Variants in VWA5B1 observed in about 807,000 individuals in gnomAD.
VWA5B1 encodes the protein von Willebrand factor A domain-containing protein 5B1.
In VWA5B1, 115 loss-of-function variants were observed where a neutral mutation model predicts 118.2. The ratio of observed to expected loss-of-function variants is 0.97; its 90% CI spans 0.84 to 1.14. VWA5B1 has a LOEUF of 1.14. Ranked by LOEUF, VWA5B1 falls within the 50% of genes most tolerant of loss-of-function variation. The pLI is 0.00. For synonymous variants in VWA5B1, 682 were observed against 658.4 expected (o/e 1.04, Z -0.55); for missense variants, 1,596 against 1,603.8 (o/e 1.00, Z 0.08).
At chr1:20,348,165 A>G in intron 17 of VWA5B1, 80 bp from the exon 18 acceptor site, 2 of 1,286,228 alleles carry the variant, frequency 1.6e-6, no homozygotes, top group Non-Finnish European at 2.2e-6. Context: ...AGCCAGAATC[A>G]TTCCTGTCAG....
chr1:20,352,139 C>T lies in VWA5B1; in HGVS notation c.3108C>T (p.Thr1036=). Residue 1036 remains threonine, a synonymous_variant, in exon 21 of 22, where the codon ACC becomes ACT. Transcript: ENST00000289815. ...CACTGATCAAAGCTGTGGAGTCGAC[C>T]TCCGGGAACCAGAGCTTCGACTACA... is the stretch of plus-strand genomic sequence containing the variant. ...SKPLIKAVES[T]SGNQSFDYIP... is the part of the protein sequence containing the mutation. 1.9e-6 allele frequency: 3 copies of T among 1,551,396 alleles called. No homozygotes were observed. The highest frequency in any genetic ancestry group is 2.6e-6 in the Non-Finnish European group (3 of 1,146,932).
intron 7 of VWA5B1, 30 bp from the exon 8 acceptor site, chr1:20,323,326 G>A: frequency 1.4e-6 from 2 of 1,419,098 alleles, no homozygotes; most frequent in Non-Finnish European, 1.9e-6. Flanking sequence ...GACCCTGATT[G>A]CCCAATCAGA....
chr1:20,310,190 G>A (rs578110158), intron 1 of VWA5B1, among the ~76,000 whole-genome samples: 10 of 152,132 alleles, frequency 6.6e-5, no homozygotes, highest in African/African-American at 1.9e-4. Flanking sequence ...AGAGATTACC[G>A]GACACATAGA....
At chr1:20,339,606 A>C (rs1557436988) in intron 14 of VWA5B1, among the ~76,000 whole-genome samples, 1 of 152,124 alleles carries the variant, frequency 6.6e-6, no homozygotes, top group Non-Finnish European at 1.5e-5. Context: ...CTTGTAAGGC[A>C]GTGGTTCCAT....
Position 20,355,446 on chromosome 1 carries a change from C to G in VWA5B1, c.*1183C>G, listed in dbSNP as rs2090212191. Among the ~76,000 whole-genome samples, 1 of 152,222 alleles carries G rather than the reference C, an allele frequency of 6.6e-6. No homozygotes were observed. Among genetic ancestry groups the G allele is most frequent in the Non-Finnish European group, 1.5e-5 (1 of 68,034 alleles). ...CCCAGTCTCCTCTTCCCCACTGACT[C>G]CCCTGGAGGTGGGTCTAGACCTCAC... is the stretch of plus-strand genomic sequence containing the variant. On this transcript the variant is annotated 3_prime_UTR_variant, in exon 22 of 22. Transcript: ENST00000289815.
chr1:20,318,899 A>G (rs1570114708), intron 6 of VWA5B1, among the ~76,000 whole-genome samples, 178 bp downstream of exon 6: 1 of 152,132 alleles, frequency 6.6e-6, no homozygotes, highest in East Asian at 1.9e-4. Flanking sequence ...AGTTGGCTCT[A>G]GCTGGTGGAA....
intron 1 of VWA5B1, among the ~76,000 whole-genome samples, chr1:20,299,941 A>G (rs2088475570): frequency 6.6e-6 from 1 of 152,234 alleles, no homozygotes; most frequent in Admixed American, 6.5e-5. Context: ...GAAGGGTCAC[A>G]GGCCCTGCGT....
At chr1:20,291,661 C>A (rs1228854147) in intron 1 of VWA5B1, among the ~76,000 whole-genome samples, 1 of 152,098 alleles carries the variant, frequency 6.6e-6, no homozygotes, top group Non-Finnish European at 1.5e-5. Context: ...GGGTGCCCAC[C>A]CCGGCAGCCG....
intron 9 of VWA5B1, among the ~76,000 whole-genome samples, chr1:20,329,080 G>A (rs1256495423): frequency 1.3e-5 from 2 of 152,122 alleles, no homozygotes; most frequent in African/African-American, 4.8e-5. Context: ...TACACAGATA[G>A]ATTGGGACTT....
At position 20,357,871 on chromosome 1, in the gene VWA5B1, G is replaced by A. The variant is rs1426810846; in HGVS notation, c.*3608G>A. ...GGTACAGATGACCACAATAGCTCATGGTATTGCACAGCCAGAGGGGAGTTG... is the reference window on the plus strand; with the variant it reads ...GGTACAGATGACCACAATAGCTCATAGTATTGCACAGCCAGAGGGGAGTTG... On this transcript the variant is annotated 3_prime_UTR_variant, in exon 22 of 22. Transcript: ENST00000289815. 6.6e-6 allele frequency among the ~76,000 whole-genome samples: 1 copy of A among 152,144 alleles called. No individual in the cohort carries two copies. The highest frequency in any genetic ancestry group is 1.9e-4 in the East Asian group (1 of 5,174).
chr1:20,354,046 T>C lies in VWA5B1; in HGVS notation c.3431T>C (p.Val1144Ala). The C allele has an allele frequency of 6.4e-7, 1 of 1,551,584 alleles. No homozygotes were observed. Among genetic ancestry groups the C allele is most frequent in the Admixed American group, 2.0e-5 (1 of 50,994 alleles). Residue 1144 changes from valine to alanine, a missense_variant, in exon 22 of 22, where the codon GTG becomes GCG. Val to Ala is a moderately conservative substitution (Grantham distance 64). Transcript: ENST00000289815. Reference sequence around the variant, plus strand: ...ACTGGGAAGCTGTGGGCCACGGTGGTGGGGCTGGCATGGCTGGAGCACAGT... The same window carrying C: ...ACTGGGAAGCTGTGGGCCACGGTGGCGGGGCTGGCATGGCTGGAGCACAGT... ...EHTGKLWATV[V>A]GLAWLEHSSA...
Position 20,336,312 on chromosome 1 carries a change from C to T in VWA5B1, c.1768C>T (p.Arg590Cys), listed in dbSNP as rs1415632609. The T allele has an allele frequency of 7.5e-6, 11 of 1,462,346 alleles. No homozygotes were observed. The highest frequency in any genetic ancestry group is 1.5e-5 in the South Asian group (1 of 67,054). The allele number at this position is 1,462,346 out of a possible 1,614,324, so 90.6% of individuals were successfully genotyped here. Residue 590 changes from arginine to cysteine, a missense_variant, in exon 13 of 22, where the codon CGC becomes TGC. Transcript: ENST00000289815. The stretch of plus-strand genomic sequence containing the variant: ...CTGTTTCTCCCTACAGGACAAGAGG[C>T]GCCGGTACAGCATGCTGCACTCTCA... ...HISNPRSDKR[R>C]RYSMLHSQES... is the part of the protein sequence containing the mutation.
chr1:20,311,342 T>C (rs926549412), intron 2 of VWA5B1, among the ~76,000 whole-genome samples: 5 of 152,138 alleles, frequency 3.3e-5, no homozygotes, highest in Non-Finnish European at 7.3e-5. Flanking sequence ...CCAGGGAGCC[T>C]CACAAGAGGA....
At chr1:20,318,806 G>C in intron 6 of VWA5B1, 85 bp downstream of exon 6, 3 of 1,406,442 alleles carry the variant, frequency 2.1e-6, no homozygotes, top group Non-Finnish European at 1.9e-6. Context: ...GTGGCCCCCC[G>C]CCCAGCAGCT....
intron 4 of VWA5B1, among the ~76,000 whole-genome samples, chr1:20,315,589 G>A (rs2088981050): frequency 6.6e-6 from 1 of 152,210 alleles, no homozygotes; most frequent in Non-Finnish European, 1.5e-5. Flanking sequence ...ACCATTTGTG[G>A]CCTGACCTGA....
Position 20,350,109 on chromosome 1 carries a change from G to A in VWA5B1, c.2879-47G>A, listed in dbSNP as rs765185267. 3.1e-5 allele frequency: 47 copies of A among 1,531,440 alleles called. No individual in the cohort carries two copies. In the East Asian group the frequency reaches 3.2e-4, roughly 10 times the overall value. 94.9% of individuals were successfully genotyped at this position (1,531,440 alleles called of 1,614,324 possible). A position where few individuals can be genotyped will look rare whatever the true frequency, so the allele number is the denominator to read the frequency against. On this transcript the variant is annotated intron_variant, in intron 18 of 21. Transcript: ENST00000289815. ...TTGCTCTCCTGAGGGGATGGGAGGC[G>A]AGGAAGGGAGGGGAGAGGTCCAGCC...
At chr1:20,316,237 G>A (rs1047802488) in intron 4 of VWA5B1, among the ~76,000 whole-genome samples, 4 of 152,196 alleles carry the variant, frequency 2.6e-5, no homozygotes, top group African/African-American at 9.7e-5. Flanking sequence ...TCCTCGGTGT[G>A]GCCTTTCACC....
At position 20,343,181 on chromosome 1, in the gene VWA5B1, CGGCCCCGGTGCT is replaced by C; in HGVS notation, c.2417_2428del (p.Ala806_Leu809del). 1 of 1,549,714 alleles carries C rather than the reference CGGCCCCGGTGCT, an allele frequency of 6.5e-7. No individual in the cohort carries two copies. The highest frequency in any genetic ancestry group is 8.7e-7 in the Non-Finnish European group (1 of 1,146,620). ...GCCAGTCCCAGCAGGCCCGCCACCC[CGGCCCCGGTGCT>C]GGGCAAGGCCCTGGTCAAAGGCCTG... On this transcript the variant is annotated inframe_deletion, in exon 16 of 22. Transcript: ENST00000289815.
intron 1 of VWA5B1, among the ~76,000 whole-genome samples, chr1:20,299,156 C>A (rs549380346): frequency 4.6e-5 from 7 of 152,258 alleles, no homozygotes; most frequent in African/African-American, 1.7e-4. Context: ...GTGTCGGGAA[C>A]CTCTAAACCC....
Sources: gnomAD v4.1 joint callset for allele counts (sites outside exome capture counted in the v4.1 genomes callset) on GRCh38, gnomAD v4.1.1 for gene constraint, MANE v1.5 for transcripts, NCBI Gene and HGNC (gene_info 2026-07-23, HGNC 2026-07-21) for gene names.